Variants in RAP1GAP2 observed in about 807,000 individuals in gnomAD.
RAP1GAP2 encodes rap1 GTPase-activating protein 2.
In RAP1GAP2, 27 loss-of-function variants were observed where a neutral mutation model predicts 95.0. The ratio of observed to expected loss-of-function variants is 0.28; its 90% CI spans 0.21 to 0.39. RAP1GAP2 has a LOEUF of 0.39. Among genes scored for constraint, RAP1GAP2 ranks in the 10% least tolerant of loss-of-function variants. The pLI, the probability that RAP1GAP2 is intolerant of heterozygous loss-of-function variation, is 1.00. For missense variants in RAP1GAP2, 771 were observed against 970.0 expected, an observed-to-expected ratio of 0.79 and a Z score of 2.72; for synonymous variants, 373 against 380.9, an observed-to-expected ratio of 0.98 and a Z score of 0.24.
intron 18 of RAP1GAP2, among the ~76,000 whole-genome samples, chr17:3,019,653 T>A (rs879365484): frequency 6.6e-6 from 1 of 152,226 alleles, no homozygotes; most frequent in Non-Finnish European, 1.5e-5. Context: ...ATTAATTTAA[T>A]TGACTAAATA....
chr17:2,794,872 T>C (rs1336448856), upstream of RAP1GAP2, among the ~76,000 whole-genome samples: 2 of 2,000 alleles, frequency 1.0e-3, no homozygotes, highest in Non-Finnish European at 0.025. Context: ...TTTTTTTCCT[T>C]TTTTTTTTTT....
rs2047167409 is a variant in RAP1GAP2, at chr17:3,027,620, C to T, written c.2107+550C>T. ...CGGAGCGTTGACAGGCTGGGTCAGC[C>T]CCGGGCCCCGGGTGAGGATTTTGTT... is the stretch of plus-strand genomic sequence containing the variant. On this transcript the variant is annotated intron_variant, in intron 22 of 24. Transcript: ENST00000254695. This position sits in a 1 kb window ranked among gnomAD's most constrained non-coding sequence, Gnocchi z 5.2. Among the ~76,000 whole-genome samples the T allele has an allele frequency of 6.6e-6, 1 of 152,044 alleles. No homozygotes were observed. The highest frequency in any genetic ancestry group is 2.1e-4 in the South Asian group (1 of 4,824).
intron 3 of RAP1GAP2, among the ~76,000 whole-genome samples, chr17:2,910,543 A>G (rs1443453767): frequency 6.6e-6 from 1 of 152,120 alleles, no homozygotes; most frequent in Non-Finnish European, 1.5e-5. Context: ...TTCTCTTGGC[A>G]GTGCAGGCTC....
At chr17:2,946,682 G>T (rs1016017674) in intron 3 of RAP1GAP2, among the ~76,000 whole-genome samples, 2 of 152,164 alleles carry the variant, frequency 1.3e-5, no homozygotes, top group Non-Finnish European at 2.9e-5. Flanking sequence ...TAGGTCAGTG[G>T]TTCTCACTTG....
chr17:2,839,600 A>G (rs944936725), intron 2 of RAP1GAP2, among the ~76,000 whole-genome samples: 4 of 152,106 alleles, frequency 2.6e-5, no homozygotes, highest in African/African-American at 4.8e-5. Flanking sequence ...ACCACATTAC[A>G]TTTAGTTTTC....
In RAP1GAP2 at chr17:2,986,099, C is replaced by T. The variant is rs986877851; in HGVS notation, c.813+1033C>T. Among the ~76,000 whole-genome samples the T allele has an allele frequency of 5.9e-5, 9 of 152,246 alleles. No homozygotes were observed. In the South Asian group the frequency reaches 1.9e-3, roughly 32 times the overall value. ...ATAAAAATGTTGGCCCTACTAATGG[C>T]AGGTTAATAGTATCTTCTGATACTA... On this transcript the variant is annotated intron_variant, in intron 11 of 24. Coordinates refer to ENST00000254695, the MANE Select transcript of RAP1GAP2 (RefSeq NM_015085.5).
intron 2 of RAP1GAP2, among the ~76,000 whole-genome samples, chr17:2,823,531 C>T (rs927196665): frequency 3.3e-5 from 5 of 152,194 alleles, no homozygotes; most frequent in South Asian, 2.1e-4. Flanking sequence ...CATACACTAT[C>T]GTCTCTGCAG....
At chr17:2,834,526 G>T (rs80041309) in intron 2 of RAP1GAP2, among the ~76,000 whole-genome samples, 3,798 of 152,264 alleles carry the variant, frequency 0.025, 165 homozygotes, top group African/African-American at 0.087. Context: ...GGTCGAGGTG[G>T]TATCTCACAC....
chr17:2,808,805 A>C (rs7225437), intron 2 of RAP1GAP2, among the ~76,000 whole-genome samples: 1 of 152,032 alleles, frequency 6.6e-6, no homozygotes, highest in African/African-American at 2.4e-5. Flanking sequence ...GTGTGGGGGC[A>C]TGTGGGTGTG....
chr17:3,008,272 A>G lies in RAP1GAP2; in HGVS notation c.1494+127A>G, dbSNP rs560419317. ...CAGCTGGAGGGGTGACAGGAAACGT[A>G]TGGGTATCCTAGGTGTTTGCAAAGG... On this transcript the variant is annotated intron_variant, in intron 17 of 24. Coordinates refer to ENST00000254695, the MANE Select transcript of RAP1GAP2 (RefSeq NM_015085.5). The surrounding 1 kb of genome is among the most constrained non-coding windows in gnomAD (Gnocchi z 4.2). 7 of 1,385,074 alleles carry G rather than the reference A, an allele frequency of 5.1e-6. No individual in the cohort carries two copies. The African/African-American group carries it at 7.2e-5, about 14-fold the overall frequency. 85.8% of individuals were successfully genotyped at this position (1,385,074 alleles called of 1,614,324 possible).
intron 17 of RAP1GAP2, among the ~76,000 whole-genome samples, chr17:3,017,523 C>G (rs2046808400): frequency 6.6e-6 from 1 of 152,188 alleles, no homozygotes; most frequent in South Asian, 2.1e-4. Context: ...GCCCAGAGCA[C>G]ACTTTGGGAT....
At chr17:2,806,943 C>T (rs543922956) in intron 2 of RAP1GAP2, among the ~76,000 whole-genome samples, 14 of 152,158 alleles carry the variant, frequency 9.2e-5, no homozygotes, top group Admixed American at 2.6e-4. Flanking sequence ...CTCGGCCTCC[C>T]GAAGTGCTGT....
At chr17:2,819,172 C>G (rs926069837) in intron 2 of RAP1GAP2, among the ~76,000 whole-genome samples, 2 of 151,932 alleles carry the variant, frequency 1.3e-5, no homozygotes, top group Admixed American at 6.6e-5. Context: ...GCGCCCGCTA[C>G]CACACCCGGC....
intron 22 of RAP1GAP2, among the ~76,000 whole-genome samples, chr17:3,030,349 C>T (rs942590827): frequency 2.0e-5 from 3 of 152,046 alleles, no homozygotes; most frequent in Non-Finnish European, 2.9e-5. Flanking sequence ...ACAATGTAAT[C>T]GCTGCAGACA....
intron 2 of RAP1GAP2, among the ~76,000 whole-genome samples, chr17:2,890,808 C>T (rs1156357708): frequency 6.6e-6 from 1 of 151,794 alleles, no homozygotes; most frequent in Non-Finnish European, 1.5e-5. Context: ...TCTCAGCCTC[C>T]CGAGTAGCTG....
intron 3 of RAP1GAP2, among the ~76,000 whole-genome samples, chr17:2,946,064 T>G (rs1487429402): frequency 6.6e-6 from 1 of 152,212 alleles, no homozygotes; most frequent in East Asian, 1.9e-4. Context: ...GTGCTGGGAT[T>G]ACAGGTGTGA....
At chr17:2,920,845 G>A (rs886120570) in intron 3 of RAP1GAP2, among the ~76,000 whole-genome samples, 3 of 152,178 alleles carry the variant, frequency 2.0e-5, no homozygotes, top group Non-Finnish European at 4.4e-5. Flanking sequence ...GCAGCGGGAT[G>A]CTGCCAGATT....
chr17:2,828,666 G>A (rs567978648), intron 2 of RAP1GAP2, among the ~76,000 whole-genome samples: 4 of 152,154 alleles, frequency 2.6e-5, no homozygotes, highest in African/African-American at 7.2e-5. Context: ...GTGGGGCCGC[G>A]GGTTCTTTGA....
chr17:2,812,420 C>T (rs545698271), intron 2 of RAP1GAP2, among the ~76,000 whole-genome samples: 10 of 152,266 alleles, frequency 6.6e-5, no homozygotes, highest in South Asian at 6.2e-4. Flanking sequence ...CCTCCTCCTC[C>T]GGTCTCTGCC....
Sources: allele counts gnomAD v4.1 joint callset (sites outside exome capture counted in the v4.1 genomes callset), GRCh38; gene constraint gnomAD v4.1.1; non-coding constraint Gnocchi (gnomAD v3.1); transcripts MANE v1.5; gene names NCBI Gene and HGNC (gene_info 2026-07-23, HGNC 2026-07-21).